CNTN4: variants seen among roughly 807,000 people sequenced by gnomAD.
CNTN4 encodes the protein contactin 4, also known as contactin-4.
Under a neutral mutation model 122.5 loss-of-function variants are expected in CNTN4, and 77 were observed. The observed-to-expected ratio is 0.63, with a 90% CI of 0.52 to 0.76. The LOEUF (loss-of-function observed/expected upper bound fraction) is 0.76. Among genes scored for constraint, CNTN4 ranks in the 30% least tolerant of loss-of-function variants. CNTN4 has a pLI of 0.00. For synonymous variants in CNTN4, 512 were observed against 447.0 expected (o/e 1.15, Z -1.83); for missense variants, 1,256 against 1,259.1 (o/e 1.00, Z 0.04).
At chr3:2,476,505 C>T (rs1166276370) in intron 3 of CNTN4, among the ~76,000 whole-genome samples, 1 of 152,182 alleles carries the variant, frequency 6.6e-6, no homozygotes, top group Non-Finnish European at 1.5e-5. Context: ...AGGAACAAAG[C>T]ACTGCTACCT....
intron 2 of CNTN4, among the ~76,000 whole-genome samples, chr3:2,217,861 T>C (rs1438726912): frequency 6.6e-6 from 1 of 152,234 alleles, no homozygotes; most frequent in African/African-American, 2.4e-5. Flanking sequence ...GTTTAATAAA[T>C]GTCTGAGTGC....
chr3:2,255,341 C>T (rs549147326), intron 2 of CNTN4, among the ~76,000 whole-genome samples: 1 of 152,068 alleles, frequency 6.6e-6, no homozygotes, highest in African/African-American at 2.4e-5. Flanking sequence ...TAGTGTGAGA[C>T]TTTAACACCC....
intron 6 of CNTN4, among the ~76,000 whole-genome samples, chr3:2,791,267 C>T (rs1039393338): frequency 7.9e-5 from 12 of 152,122 alleles, no homozygotes; most frequent in Non-Finnish European, 1.3e-4. Context: ...CATGGCGGCT[C>T]GCACCTGTAA....
chr3:3,026,583 C>G (rs1254269340), intron 15 of CNTN4, among the ~76,000 whole-genome samples: 1 of 152,078 alleles, frequency 6.6e-6, no homozygotes, highest in Admixed American at 6.6e-5. Flanking sequence ...TTGTGGAACT[C>G]AGCTTAAAAC....
chr3:2,590,505 C>T (rs1236732164), intron 4 of CNTN4, among the ~76,000 whole-genome samples: 1 of 151,786 alleles, frequency 6.6e-6, no homozygotes, highest in African/African-American at 2.4e-5. Context: ...GATCTGCCTG[C>T]CTCGCACTTT....
At chr3:2,130,126 AT>A (rs1161259816) in intron 2 of CNTN4, among the ~76,000 whole-genome samples, 2 of 152,160 alleles carry the variant, frequency 1.3e-5, no homozygotes, top group Non-Finnish European at 2.9e-5. Context: ...TCTCATTTGA[AT>A]TATAATTCTT....
intron 2 of CNTN4, among the ~76,000 whole-genome samples, chr3:2,196,714 T>G (rs1374540938): frequency 1.3e-5 from 2 of 152,072 alleles, no homozygotes. Flanking sequence ...CTATCTTGTT[T>G]ATGCTCTAAG....
intron 3 of CNTN4, among the ~76,000 whole-genome samples, chr3:2,401,504 G>T (rs971471446): frequency 6.6e-6 from 1 of 152,052 alleles, no homozygotes; most frequent in African/African-American, 2.4e-5. Context: ...ATGTTTTTGT[G>T]TGTAAATTAT....
chr3:2,855,111 T>C (rs115256874), intron 7 of CNTN4, among the ~76,000 whole-genome samples: 3,270 of 152,332 alleles, frequency 0.021, 52 homozygotes, highest in Non-Finnish European at 0.034. Flanking sequence ...TGAATGTTGC[T>C]ATGGGGTTAA....
chr3:2,432,035 A>G (rs1029430395), intron 3 of CNTN4, among the ~76,000 whole-genome samples: 3 of 152,214 alleles, frequency 2.0e-5, no homozygotes, highest in Admixed American at 2.0e-4. Flanking sequence ...ATCCAAAAAG[A>G]TGGGTCACTG....
intron 4 of CNTN4, among the ~76,000 whole-genome samples, chr3:2,727,376 T>G (rs1182727476): frequency 6.6e-6 from 1 of 152,194 alleles, no homozygotes; most frequent in African/African-American, 2.4e-5. Context: ...TTCAGGTCAG[T>G]TTTTGCCTCC....
chr3:2,350,435 C>G (rs906870496), intron 3 of CNTN4, among the ~76,000 whole-genome samples: 11 of 152,086 alleles, frequency 7.2e-5, no homozygotes, highest in African/African-American at 2.4e-4. Context: ...GGCAGTGAAA[C>G]AAAAGGAGCA....
chr3:2,709,134 G>A lies in CNTN4; in HGVS notation c.56-27081G>A, dbSNP rs563334725. Reference sequence around the variant, plus strand: ...TTTAAGCTAGATCGTTACAAATGAAGCCTTACCATTTGATGAAAATCCAGC... The same window carrying A: ...TTTAAGCTAGATCGTTACAAATGAAACCTTACCATTTGATGAAAATCCAGC... On this transcript the variant is annotated intron_variant, in intron 4 of 24. Transcript: ENST00000418658. This position sits in a 1 kb window ranked among gnomAD's most constrained non-coding sequence, Gnocchi z 5.0. 1.3e-5 allele frequency among the ~76,000 whole-genome samples: 2 copies of A among 152,120 alleles called. No homozygotes were observed. Among genetic ancestry groups the A allele is most frequent in the South Asian group, 2.1e-4 (1 of 4,818 alleles).
chr3:2,396,285 A>G (rs559710254), intron 3 of CNTN4, among the ~76,000 whole-genome samples: 26 of 152,276 alleles, frequency 1.7e-4, no homozygotes, highest in Admixed American at 3.3e-4. Context: ...TTGGCCTTCC[A>G]AAGTGCTGGG....
intron 2 of CNTN4, among the ~76,000 whole-genome samples, chr3:2,315,125 C>G (rs1391203179): frequency 1.3e-5 from 2 of 151,774 alleles, no homozygotes; most frequent in African/African-American, 2.4e-5. Context: ...TAGGACAGTT[C>G]ACAGAATTAA....
intron 4 of CNTN4, among the ~76,000 whole-genome samples, chr3:2,683,259 C>G (rs2085256657): frequency 6.6e-6 from 1 of 151,938 alleles, no homozygotes; most frequent in South Asian, 2.1e-4. Context: ...AGGCTGCTGA[C>G]TTGAAAAAAC....
chr3:2,326,213 G>C (rs535100709), intron 2 of CNTN4, among the ~76,000 whole-genome samples: 1 of 152,308 alleles, frequency 6.6e-6, no homozygotes, highest in East Asian at 1.9e-4. Flanking sequence ...TAGGAAGAGA[G>C]AATTTCCCTG....
intron 14 of CNTN4, among the ~76,000 whole-genome samples, chr3:3,016,924 TG>T (rs1697813297): frequency 6.6e-6 from 1 of 152,186 alleles, no homozygotes; most frequent in South Asian, 2.1e-4. Flanking sequence ...TCACGCCGAC[TG>T]GGGTCAAAAT....
chr3:2,944,977 T>C (rs1355684555), intron 13 of CNTN4, among the ~76,000 whole-genome samples: 1 of 151,764 alleles, frequency 6.6e-6, no homozygotes, highest in African/African-American at 2.4e-5. Flanking sequence ...ATGTGGTCTT[T>C]AAATCCCTGG....
Sources: gnomAD v4.1 joint callset for allele counts (sites outside exome capture counted in the v4.1 genomes callset) on GRCh38, gnomAD v4.1.1 for gene constraint, Gnocchi (gnomAD v3.1) non-coding constraint, MANE v1.5 for transcripts, NCBI Gene and HGNC (gene_info 2026-07-23, HGNC 2026-07-21) for gene names.